The following CACNA2D3 variants were observed in gnomAD, a reference collection of about 807,000 sequenced individuals.
The protein encoded by CACNA2D3 is voltage-dependent calcium channel subunit alpha-2/delta-3.
Under a neutral mutation model 160.6 loss-of-function variants are expected in CACNA2D3, and 60 were observed. That is an observed-to-expected ratio of 0.37 (90% CI 0.30 to 0.46). The LOEUF (loss-of-function observed/expected upper bound fraction) is 0.46. Among genes scored for constraint, CACNA2D3 ranks in the 20% least tolerant of loss-of-function variants. CACNA2D3 has a pLI of 1.00. For missense variants in CACNA2D3, 1,205 were observed against 1,365.0 expected, an observed-to-expected ratio of 0.88 and a Z score of 1.85; for synonymous variants, 558 against 492.9, an observed-to-expected ratio of 1.13 and a Z score of -1.75.
chr3:54,734,614 T>A (rs955529556), intron 11 of CACNA2D3, among the ~76,000 whole-genome samples: 2 of 152,252 alleles, frequency 1.3e-5, no homozygotes, highest in African/African-American at 4.8e-5. Context: ...CATTTGGGGA[T>A]GCTCGAAGCA....
At chr3:55,034,344 T>C (rs1703767222) in intron 35 of CACNA2D3, among the ~76,000 whole-genome samples, 1 of 152,106 alleles carries the variant, frequency 6.6e-6, no homozygotes, top group Admixed American at 6.6e-5. Context: ...TATTTCCATC[T>C]CTGTGTGCCG....
chr3:54,195,174 G>A (rs1351455411), intron 2 of CACNA2D3, among the ~76,000 whole-genome samples: 2 of 152,202 alleles, frequency 1.3e-5, no homozygotes, highest in East Asian at 1.9e-4. Context: ...TTTGGTCTGG[G>A]TTAGGCCCAG....
chr3:54,138,043 T>TG (rs1699850458), intron 2 of CACNA2D3, among the ~76,000 whole-genome samples: 1 of 152,206 alleles, frequency 6.6e-6, no homozygotes, highest in Admixed American at 6.5e-5. Context: ...AAATTTCATT[T>TG]CACCACTGCG....
chr3:54,461,929 C>G (rs1236026039), intron 4 of CACNA2D3, among the ~76,000 whole-genome samples: 1 of 152,126 alleles, frequency 6.6e-6, no homozygotes, highest in African/African-American at 2.4e-5. Context: ...TATAAATTTC[C>G]CTCTACACAC....
chr3:54,126,515 C>T (rs1034449529), intron 2 of CACNA2D3, among the ~76,000 whole-genome samples: 7 of 152,182 alleles, frequency 4.6e-5, no homozygotes, highest in African/African-American at 1.7e-4. Context: ...TATTCAATGC[C>T]AGATAGCCCC....
chr3:54,394,257 C>T (rs1699333621), intron 4 of CACNA2D3, among the ~76,000 whole-genome samples: 1 of 151,822 alleles, frequency 6.6e-6, no homozygotes, highest in Non-Finnish European at 1.5e-5. Flanking sequence ...TGGTTGTGCC[C>T]CAGAATCACA....
At chr3:54,779,998 G>C (rs1702502037) in intron 13 of CACNA2D3, among the ~76,000 whole-genome samples, 1 of 152,208 alleles carries the variant, frequency 6.6e-6, no homozygotes, top group Admixed American at 6.5e-5. Context: ...CAAGTGGCTT[G>C]CTCTCAGTCC....
chr3:54,551,126 A>G (rs1702149869), intron 5 of CACNA2D3, among the ~76,000 whole-genome samples: 1 of 152,068 alleles, frequency 6.6e-6, no homozygotes, highest in African/African-American at 2.4e-5. Flanking sequence ...CCCTGTCCCC[A>G]TTTCTCACCC....
At position 54,852,519 on chromosome 3, in the gene CACNA2D3, C is replaced by A. The variant is rs17054459; in HGVS notation, c.1626+6052C>A. On this transcript the variant is annotated intron_variant, in intron 17 of 37. Coordinates refer to ENST00000474759, the MANE Select transcript of CACNA2D3 (RefSeq NM_018398.3). ...CGCTGGAATTTAATATTGCTGTTTC[C>A]ACCACCAGCTCTCCACAGCCTGGGT... 8.9e-3 allele frequency among the ~76,000 whole-genome samples: 1,351 copies of A among 152,232 alleles called. 19 individuals carry two copies. Among genetic ancestry groups the A allele is most frequent in the African/African-American group, 0.03 (1,260 of 41,526 alleles).
chr3:55,050,954 T>C (rs1400092836), intron 35 of CACNA2D3, among the ~76,000 whole-genome samples: 1 of 138,252 alleles, frequency 7.2e-6, no homozygotes, highest in Non-Finnish European at 1.6e-5. Flanking sequence ...TTCAGCTCCA[T>C]CAGCTCCTTT....
intron 5 of CACNA2D3, among the ~76,000 whole-genome samples, chr3:54,514,711 G>A (rs1701515962): frequency 6.6e-6 from 1 of 152,054 alleles, no homozygotes; most frequent in Non-Finnish European, 1.5e-5. Flanking sequence ...GCCACGGGCA[G>A]AGGACACTTA....
At chr3:54,798,622 C>T (rs968129298) in intron 13 of CACNA2D3, among the ~76,000 whole-genome samples, 1 of 152,170 alleles carries the variant, frequency 6.6e-6, no homozygotes, top group Non-Finnish European at 1.5e-5. Context: ...TTAGCTCCCA[C>T]GTAATTGGTA....
intron 13 of CACNA2D3, among the ~76,000 whole-genome samples, chr3:54,815,631 A>G (rs942689267): frequency 6.6e-6 from 1 of 152,196 alleles, no homozygotes. Flanking sequence ...TTTATGTGTG[A>G]ATTGAGTTGA....
intron 11 of CACNA2D3, among the ~76,000 whole-genome samples, chr3:54,690,010 C>T (rs905017354): frequency 1.2e-4 from 18 of 152,128 alleles, no homozygotes; most frequent in African/African-American, 4.1e-4. Flanking sequence ...ACTCCTGAGA[C>T]AAGCAGGCAC....
At chr3:55,039,982 G>C (rs559956065) in intron 35 of CACNA2D3, among the ~76,000 whole-genome samples, 10 of 152,078 alleles carry the variant, frequency 6.6e-5, no homozygotes, top group Non-Finnish European at 1.3e-4. Context: ...AAAAAATACC[G>C]TAGGCTGGAT....
chr3:55,023,463 T>C (rs1703502800), intron 35 of CACNA2D3, among the ~76,000 whole-genome samples: 1 of 152,188 alleles, frequency 6.6e-6, no homozygotes, highest in Non-Finnish European at 1.5e-5. Flanking sequence ...TTTTATACAG[T>C]CTTATTCTTC....
intron 27 of CACNA2D3, among the ~76,000 whole-genome samples, chr3:54,957,689 C>T (rs7631037): frequency 0.24 from 31,191 of 130,564 alleles, 3,763 homozygotes; most frequent in East Asian, 0.36. Context: ...GGTTCCAGGC[C>T]CCACCCAGTC....
At chr3:54,291,182 A>G (rs1703193867) in intron 2 of CACNA2D3, among the ~76,000 whole-genome samples, 1 of 152,160 alleles carries the variant, frequency 6.6e-6, no homozygotes, top group South Asian at 2.1e-4. Context: ...CCTTATTTAT[A>G]TTTTGCTTAT....
At chr3:54,633,092 A>G (rs1370375693) in intron 10 of CACNA2D3, among the ~76,000 whole-genome samples, 1 of 152,156 alleles carries the variant, frequency 6.6e-6, no homozygotes, top group African/African-American at 2.4e-5. Context: ...AGGAGCACTC[A>G]CCCTCAGGAT....
Sources: gnomAD v4.1 joint callset for allele counts (sites outside exome capture counted in the v4.1 genomes callset) on GRCh38, gnomAD v4.1.1 for gene constraint, MANE v1.5 for transcripts, NCBI Gene and HGNC (gene_info 2026-07-23, HGNC 2026-07-21) for gene names.